Variants in IL7 observed in about 807,000 individuals in gnomAD.
IL7 encodes interleukin 7, also known as interleukin-7.
IL7 carries 3 observed loss-of-function variants against 21.6 expected under a neutral mutation model. That is an observed-to-expected ratio of 0.14 (90% confidence interval 0.06 to 0.36). The LOEUF (loss-of-function observed/expected upper bound fraction) is 0.36, where lower values mean the gene tolerates loss of function less well. Among genes scored for constraint, IL7 ranks in the 10% least tolerant of loss-of-function variants. The pLI is 1.00. For missense variants in IL7, 175 were observed against 200.2 expected, an observed-to-expected ratio of 0.87 and a Z score of 0.76; for synonymous variants, 62 against 68.1, an observed-to-expected ratio of 0.91 and a Z score of 0.44.
chr8:78,745,034 G>A (rs1437298602), intron 2 of IL7, among the ~76,000 whole-genome samples: 1 of 152,178 alleles, frequency 6.6e-6, no homozygotes, highest in East Asian at 1.9e-4. Flanking sequence ...TCAGTGGAAG[G>A]TGCTGTATTT....
At chr8:78,704,600 C>G (rs1337273160) in intron 3 of IL7, among the ~76,000 whole-genome samples, 1 of 152,050 alleles carries the variant, frequency 6.6e-6, no homozygotes, top group Non-Finnish European at 1.5e-5. Flanking sequence ...TCATGAGTAT[C>G]TTACTGGGGT....
intron 2 of IL7, chr8:78,761,194 G>T: frequency 6.9e-6 from 11 of 1,592,956 alleles, no homozygotes; most frequent in Non-Finnish European, 9.4e-6. Flanking sequence ...TTTCTTTACT[G>T]TTCTGAAAAA....
At chr8:78,709,328 A>T (rs1810882225) in intron 3 of IL7, among the ~76,000 whole-genome samples, 1 of 152,212 alleles carries the variant, frequency 6.6e-6, no homozygotes, top group South Asian at 2.1e-4. Context: ...GTACATTTTT[A>T]TATGAATAGG....
At chr8:78,712,037 A>T in intron 3 of IL7, 2 of 1,289,778 alleles carry the variant, frequency 1.6e-6, no homozygotes, top group Non-Finnish European at 2.0e-6. Context: ...AGACTTGTGC[A>T]AAGGTTGTAT....
At chr8:78,759,711 T>C (rs1812481616) in intron 2 of IL7, among the ~76,000 whole-genome samples, 1 of 152,212 alleles carries the variant, frequency 6.6e-6, no homozygotes, top group Non-Finnish European at 1.5e-5. Flanking sequence ...ATTTTTAACA[T>C]ACTTAAAACT....
intron 3 of IL7, among the ~76,000 whole-genome samples, chr8:78,724,531 T>C (rs961875786): frequency 8.4e-5 from 5 of 59,300 alleles, no homozygotes; most frequent in African/African-American, 2.4e-4. Flanking sequence ...ATATTTCTTA[T>C]AGGGAAAACT....
intron 4 of IL7, among the ~76,000 whole-genome samples, chr8:78,682,970 C>T (rs1371228606): frequency 3.3e-5 from 5 of 152,222 alleles, no homozygotes; most frequent in African/African-American, 1.2e-4. Flanking sequence ...AACCTTAAAG[C>T]TCTGAAACGA....
At chr8:78,718,828 C>T (rs997325908) in intron 6 of IL7, 4 of 151,440 alleles carry the variant, frequency 2.6e-5, no homozygotes, top group Non-Finnish European at 5.9e-5. Context: ...GAGCTTTGAT[C>T]TTACTGTAAA....
intron 3 of IL7, chr8:78,698,371 C>CT: frequency 6.7e-7 from 1 of 1,499,484 alleles, no homozygotes; most frequent in Non-Finnish European, 9.1e-7. Context: ...TTTATGTAAC[C>CT]TTTTTTAGAG....
chr8:78,784,639 T>C (rs779228171), intron 2 of IL7, among the ~76,000 whole-genome samples: 1 of 152,086 alleles, frequency 6.6e-6, no homozygotes, highest in Non-Finnish European at 1.5e-5. Context: ...CCAGGTAACA[T>C]TCTAGATGGT....
At chr8:78,802,023 C>T (rs187013083) in intron 1 of IL7, among the ~76,000 whole-genome samples, 99 of 152,296 alleles carry the variant, frequency 6.5e-4, no homozygotes, top group Non-Finnish European at 1.1e-3. Context: ...ATAGGAATAA[C>T]GCAAGGCAAG....
downstream of IL7, among the ~76,000 whole-genome samples, chr8:78,727,999 A>G (rs1689911416): frequency 6.6e-6 from 1 of 152,048 alleles, no homozygotes; most frequent in South Asian, 2.1e-4. Context: ...TTTGAATATT[A>G]CAATACCATT....
intron 2 of IL7, among the ~76,000 whole-genome samples, chr8:78,769,164 G>C (rs1302297142): frequency 1.3e-5 from 2 of 151,680 alleles, no homozygotes; most frequent in African/African-American, 4.8e-5. Context: ...ATTCAACACA[G>C]TGTTGGAAGT....
At chr8:78,677,419 A>G (rs553661810) in intron 4 of IL7, among the ~76,000 whole-genome samples, 3 of 152,248 alleles carry the variant, frequency 2.0e-5, no homozygotes, top group Admixed American at 2.0e-4. Context: ...AGGCGAAGAA[A>G]ACTGCAAAGT....
chr8:78,701,356 T>C (rs1256034624), intron 3 of IL7, among the ~76,000 whole-genome samples: 1 of 152,216 alleles, frequency 6.6e-6, no homozygotes, highest in Non-Finnish European at 1.5e-5. Flanking sequence ...ATCCTGAGAC[T>C]TTGCTAAAGT....
At chr8:78,736,290 G>T (rs1396162853) in intron 5 of IL7, among the ~76,000 whole-genome samples, 184 bp downstream of exon 5, 1 of 150,976 alleles carries the variant, frequency 6.6e-6, no homozygotes, top group African/African-American at 2.4e-5. Context: ...TAAAATAGTG[G>T]GTTTAAAAAT....
chr8:78,797,119 G>A (rs1813878822), intron 2 of IL7, among the ~76,000 whole-genome samples: 1 of 151,890 alleles, frequency 6.6e-6, no homozygotes, highest in South Asian at 2.1e-4. Flanking sequence ...GGGATGCTTT[G>A]ATTCACATTG....
In IL7 at chr8:78,689,445, T is replaced by G. The variant is rs891188239; in HGVS notation, n.215-3498A>C. On this transcript the variant is annotated intron_variant and non_coding_transcript_variant, in intron 3 of 4. Transcript: ENST00000523959. ...GACATTCATAGATTATTGTTTATGC[T>G]TTTCATGACATTAGACTATATTTTT... 133 of 1,390,892 alleles carry G rather than the reference T, an allele frequency of 9.6e-5. No homozygotes were observed. The Admixed American group carries it at 3.3e-3, about 35-fold the overall frequency. 86.2% of individuals were successfully genotyped at this position (1,390,892 alleles called of 1,614,324 possible).
At chr8:78,753,800 C>A (rs1812256637) in intron 2 of IL7, among the ~76,000 whole-genome samples, 1 of 152,122 alleles carries the variant, frequency 6.6e-6, no homozygotes, top group Non-Finnish European at 1.5e-5. Flanking sequence ...TATGGCTAGC[C>A]AGTTTTCCCA....
Sources: gnomAD v4.1 joint callset for allele counts (sites outside exome capture counted in the v4.1 genomes callset) on GRCh38, gnomAD v4.1.1 for gene constraint, MANE v1.5 for transcripts, NCBI Gene and HGNC (gene_info 2026-07-23, HGNC 2026-07-21) for gene names.